CNGB3: variants seen among roughly 807,000 people sequenced by gnomAD.
CNGB3 encodes the protein cyclic nucleotide-gated channel beta-3.
A neutral mutation model predicts 92.8 loss-of-function variants in CNGB3; 86 were observed. That is an observed-to-expected ratio of 0.93 (90% CI 0.78 to 1.11). The LOEUF is 1.11. Ranked by LOEUF, CNGB3 falls within the 50% of genes least tolerant of loss-of-function variation. The probability of loss-of-function intolerance (pLI) is 0.00; values close to 1 mark genes in which losing one functional copy is unlikely to be tolerated. For synonymous variants in CNGB3, 333 were observed against 332.7 expected (o/e 1.00, Z -0.01); for missense variants, 1,026 against 956.8 (o/e 1.07, Z -0.95).
At chr8:86,660,514 A>G (rs1375042795) in intron 6 of CNGB3, 2 of 532,358 alleles carry the variant, frequency 3.8e-6, no homozygotes, top group Non-Finnish European at 7.7e-6. Context: ...CAGCATGTCC[A>G]GAGGGACGAT....
At chr8:86,596,786 T>C (rs906282474) in intron 15 of CNGB3, among the ~76,000 whole-genome samples, 2 of 152,088 alleles carry the variant, frequency 1.3e-5, no homozygotes, top group Non-Finnish European at 1.5e-5. Flanking sequence ...CAAATGTCCA[T>C]CAATAATAGA....
At chr8:86,724,476 C>A (rs563000012) in intron 3 of CNGB3, among the ~76,000 whole-genome samples, 2 of 152,058 alleles carry the variant, frequency 1.3e-5, no homozygotes, top group Non-Finnish European at 2.9e-5. Context: ...TCAATCAATT[C>A]ATTTGTTAAA....
At chr8:86,658,114 C>A (rs1823552401) in intron 6 of CNGB3, 1 of 531,252 alleles carries the variant, frequency 1.9e-6, no homozygotes, top group Admixed American at 2.4e-5. Flanking sequence ...CACAGAATCG[C>A]CTCCAGTCCC....
intron 6 of CNGB3, among the ~76,000 whole-genome samples, chr8:86,654,328 A>T (rs1344848403): frequency 6.6e-6 from 1 of 152,064 alleles, no homozygotes; most frequent in Non-Finnish European, 1.5e-5. Context: ...TCCTTAACTC[A>T]TGGCAATTTG....
In CNGB3 at chr8:86,671,115, A is replaced by T; in HGVS notation, c.339-17T>A. The stretch of plus-strand genomic sequence containing the variant: ...TTTTGTGGGCTAAATGAGAAAAAAA[A>T]TGGCAATAGAGATGGGCCCATGAAG... On this transcript the variant is annotated splice_polypyrimidine_tract_variant and intron_variant, in intron 3 of 17. Transcript: ENST00000320005. The T allele has an allele frequency of 6.2e-7, 1 of 1,612,814 alleles. No homozygotes were observed. Among genetic ancestry groups the T allele is most frequent in the Non-Finnish European group, 8.5e-7 (1 of 1,179,834 alleles).
intron 2 of CNGB3, 152 bp downstream of exon 2, chr8:86,739,503 T>C: frequency 8.0e-7 from 1 of 1,252,270 alleles, no homozygotes; most frequent in Non-Finnish European, 1.1e-6. Flanking sequence ...GGATATAAAG[T>C]TTTTGAAATA....
At chr8:86,587,982 C>T (rs2131542770) in intron 15 of CNGB3, among the ~76,000 whole-genome samples, 1 of 148,814 alleles carries the variant, frequency 6.7e-6, no homozygotes, top group East Asian at 2.0e-4. Context: ...ATGGAATGTT[C>T]TTCCATTTGT....
chr8:86,614,483 C>T (rs73271553), intron 13 of CNGB3, among the ~76,000 whole-genome samples: 2,128 of 152,238 alleles, frequency 0.014, 51 homozygotes, highest in African/African-American at 0.048. Context: ...CGAGTGTTAC[C>T]CCTTCCCATT....
At chr8:86,652,176 A>G (rs1447503899) in intron 7 of CNGB3, among the ~76,000 whole-genome samples, 3 of 151,980 alleles carry the variant, frequency 2.0e-5, no homozygotes, top group African/African-American at 7.2e-5. Flanking sequence ...ATCTAAACAC[A>G]TCTAAACATT....
At chr8:86,658,107 A>G in intron 6 of CNGB3, 2 of 526,748 alleles carry the variant, frequency 3.8e-6, no homozygotes, top group Non-Finnish European at 7.1e-6. Context: ...CCCCACACAC[A>G]GAATCGCCTC....
chr8:86,599,334 A>G (rs1866909), intron 15 of CNGB3, among the ~76,000 whole-genome samples: 138,175 of 152,176 alleles, frequency 0.91, 62,997 homozygotes, highest in African/African-American at 0.97. Context: ...ATGTTGCCTC[A>G]GGACCCTGGG....
At chr8:86,660,015 G>A in intron 6 of CNGB3, 1 of 348,038 alleles carries the variant, frequency 2.9e-6, no homozygotes, top group South Asian at 2.6e-5. Context: ...TCATGATTCT[G>A]AGGTGCCGCC....
intron 6 of CNGB3, among the ~76,000 whole-genome samples, chr8:86,665,021 G>A (rs1823714523): frequency 1.3e-5 from 2 of 152,162 alleles, no homozygotes; most frequent in African/African-American, 2.4e-5. Context: ...AAACCTGAAT[G>A]TTTAATGGTA....
chr8:86,735,365 G>A (rs947479629), intron 2 of CNGB3, among the ~76,000 whole-genome samples: 1 of 151,640 alleles, frequency 6.6e-6, no homozygotes, highest in Non-Finnish European at 1.5e-5. Context: ...GAGAAAAATG[G>A]TTGTATTTTG....
In CNGB3 at chr8:86,579,228, G is replaced by C. The variant is rs769171325; in HGVS notation, c.1806C>G (p.Asn602Lys). ...EISLLAAGGG[N>K]RRTANVVAHG... Reference sequence around the variant, plus strand: ...GGGCCACCACATTGGCAGTTCGACGGTTTCCTCCTCCTGCTGCTAGAAGGC... The same window carrying C: ...GGGCCACCACATTGGCAGTTCGACGCTTTCCTCCTCCTGCTGCTAGAAGGC... Residue 602 changes from asparagine to lysine, a missense_variant, in exon 16 of 18, where the codon AAC becomes AAG. Coordinates refer to ENST00000320005, the MANE Select transcript of CNGB3 (RefSeq NM_019098.5). 4.3e-6 allele frequency: 7 copies of C among 1,614,056 alleles called. No individual in the cohort carries two copies. The highest frequency in any genetic ancestry group is 2.2e-5 in the South Asian group (2 of 91,084).
intron 3 of CNGB3, among the ~76,000 whole-genome samples, chr8:86,710,957 C>T (rs972497222): frequency 6.6e-6 from 1 of 152,088 alleles, no homozygotes; most frequent in Admixed American, 6.6e-5. Context: ...TTGTTTAGAA[C>T]TTATCTATTC....
At chr8:86,578,585 A>G in intron 17 of CNGB3, 104 bp downstream of exon 17, 1 of 1,114,610 alleles carries the variant, frequency 9.0e-7, no homozygotes, top group Non-Finnish European at 1.4e-6. Context: ...AGATTAGTCC[A>G]AATCATCCCA....
At chr8:86,598,445 A>T (rs1020668385) in intron 15 of CNGB3, among the ~76,000 whole-genome samples, 2 of 152,304 alleles carry the variant, frequency 1.3e-5, no homozygotes, top group East Asian at 3.9e-4. Context: ...TCCCCAGTAA[A>T]ATTTTGAAAG....
chr8:86,686,752 G>T (rs1190399992), intron 3 of CNGB3, among the ~76,000 whole-genome samples: 1 of 151,936 alleles, frequency 6.6e-6, no homozygotes, highest in African/African-American at 2.4e-5. Flanking sequence ...TGTCATAAAG[G>T]CTTTAAGTGT....
Sources: allele counts gnomAD v4.1 joint callset (sites outside exome capture counted in the v4.1 genomes callset), GRCh38; gene constraint gnomAD v4.1.1; transcripts MANE v1.5; gene names NCBI Gene and HGNC (gene_info 2026-07-23, HGNC 2026-07-21).